The following SV2B variants were observed in gnomAD, a reference collection of about 807,000 sequenced individuals.
SV2B encodes the protein solute carrier family 22 member B2.
SV2B carries 41 observed loss-of-function variants against 73.9 expected under a neutral mutation model. The ratio of observed to expected loss-of-function variants is 0.56; its 90% confidence interval spans 0.43 to 0.72. SV2B has a LOEUF of 0.72. Ranked by LOEUF, SV2B falls within the 30% of genes least tolerant of loss-of-function variation. The pLI, the probability that SV2B is intolerant of heterozygous loss-of-function variation, is 0.00. For synonymous variants in SV2B, 314 were observed against 314.2 expected (o/e 1.00, Z 0.01); for missense variants, 764 against 857.8 (o/e 0.89, Z 1.37).
chr15:91,260,910 AC>A (rs1361129766), intron 6 of SV2B, among the ~76,000 whole-genome samples: 2 of 152,068 alleles, frequency 1.3e-5, no homozygotes, highest in East Asian at 1.9e-4. Context: ...GGGTGAAACC[AC>A]CCCCATGATT....
At chr15:91,172,189 C>T (rs1467333406) in intron 1 of SV2B, among the ~76,000 whole-genome samples, 2 of 152,220 alleles carry the variant, frequency 1.3e-5, no homozygotes, top group Non-Finnish European at 2.9e-5. Context: ...CTGGCCACAG[C>T]CTATCTTTCC....
In SV2B at chr15:91,293,365, T is replaced by C. The variant is rs2049112173; in HGVS notation, c.*813T>C. ...GTGTTTGAGGTCCCAGGAAATGAGGTCTGATCAAATGAAATGCAAGCACAA... is the reference window on the plus strand; with the variant it reads ...GTGTTTGAGGTCCCAGGAAATGAGGCCTGATCAAATGAAATGCAAGCACAA... On this transcript the variant is annotated 3_prime_UTR_variant, in exon 13 of 13. Coordinates refer to ENST00000394232, the MANE Select transcript of SV2B (RefSeq NM_001323032.3). 6.6e-6 allele frequency: 1 copy of C among 152,214 alleles called. No individual in the cohort carries two copies. The highest frequency in any genetic ancestry group is 1.5e-5 in the Non-Finnish European group (1 of 68,040). 9.4% of individuals were successfully genotyped at this position (152,214 alleles called of 1,614,324 possible).
chr15:91,229,020 G>A lies in SV2B; in HGVS notation c.451+2306G>A, dbSNP rs1041469014. ...GTAAGTGTTGAGCAGGGGTTTGACCGAAGGTCTATTTGACTTCAAAGTCTA... is the reference window on the plus strand; with the variant it reads ...GTAAGTGTTGAGCAGGGGTTTGACCAAAGGTCTATTTGACTTCAAAGTCTA... On this transcript the variant is annotated intron_variant, in intron 2 of 12. Transcript: ENST00000394232. This position sits in a 1 kb window ranked among gnomAD's most constrained non-coding sequence, Gnocchi z 4.3. Among the ~76,000 whole-genome samples the A allele has an allele frequency of 2.6e-5, 4 of 152,336 alleles. No homozygotes were observed. The highest frequency in any genetic ancestry group is 1.3e-4 in the Admixed American group (2 of 15,302).
rs770557010 is a variant in SV2B at position 91,129,887 on chromosome 15, C to T, written c.-392+29524C>T. ...AAGAAGAGTACTCATGCGGGGATCTCGGGAGGGTTAAGTGAGATAATGCAT... is the reference window on the plus strand; with the variant it reads ...AAGAAGAGTACTCATGCGGGGATCTTGGGAGGGTTAAGTGAGATAATGCAT... On this transcript the variant is annotated intron_variant, in intron 1 of 12. Transcript: ENST00000394232. This position sits in a 1 kb window ranked among gnomAD's most constrained non-coding sequence, Gnocchi z 5.1. Among the ~76,000 whole-genome samples, 16 of 152,128 alleles carry T rather than the reference C, an allele frequency of 1.1e-4. No individual in the cohort carries two copies. Among genetic ancestry groups the T allele is most frequent in the African/African-American group, 3.6e-4 (15 of 41,420 alleles).
At position 91,198,056 on chromosome 15, in the gene SV2B, A is replaced by G. The variant is rs541275676; in HGVS notation, c.-391-27817A>G. On this transcript the variant is annotated intron_variant, in intron 1 of 12. Coordinates refer to ENST00000394232, the MANE Select transcript of SV2B (RefSeq NM_001323032.3). ...TCTCAAAACAAACAAACAAAAATAC[A>G]CAAAACCTATTTGATGAACACATTA... Among the ~76,000 whole-genome samples the G allele has an allele frequency of 9.2e-4, 140 of 152,314 alleles. 1 individual carries two copies. Among genetic ancestry groups the G allele is most frequent in the Non-Finnish European group, 1.8e-3 (120 of 68,034 alleles).
rs16945516 is a variant in SV2B, at chr15:91,286,095, C to A, written c.1708+1874C>A. Among the ~76,000 whole-genome samples the A allele has an allele frequency of 3.2e-3, 493 of 152,260 alleles. 4 individuals are homozygous for A. Among genetic ancestry groups the A allele is most frequent in the African/African-American group, 0.011 (457 of 41,530 alleles). On this transcript the variant is annotated intron_variant, in intron 11 of 12. Coordinates refer to ENST00000394232, the MANE Select transcript of SV2B (RefSeq NM_001323032.3). ...TGTGAATGTCTCTGTTTTGTTTCTG[C>A]GCTAGAGGCAAGCTTGTTAAGAGCT...
intron 1 of SV2B, among the ~76,000 whole-genome samples, chr15:91,150,539 T>C (rs1437696272): frequency 2.6e-5 from 4 of 152,234 alleles, no homozygotes; most frequent in Non-Finnish European, 5.9e-5. Flanking sequence ...TTAAAATTAA[T>C]ACACACTTGG....
intron 1 of SV2B, among the ~76,000 whole-genome samples, chr15:91,182,587 T>C (rs888521359): frequency 1.3e-5 from 2 of 152,140 alleles, no homozygotes; most frequent in Non-Finnish European, 2.9e-5. Context: ...CCCCACACTT[T>C]ACCAGGAGCC....
chr15:91,118,948 G>C lies in SV2B; in HGVS notation c.-392+18585G>C, dbSNP rs866161542. 6.6e-6 allele frequency among the ~76,000 whole-genome samples: 1 copy of C among 152,174 alleles called. No homozygotes were observed. The highest frequency in any genetic ancestry group is 2.4e-5 in the African/African-American group (1 of 41,448). ...CTGGTGAATGAGCTGTCTCGGCTTG[G>C]AGGCAGGGCCTGTGGGGGTGGGCGT... On this transcript the variant is annotated intron_variant, in intron 1 of 12. Coordinates refer to ENST00000394232, the MANE Select transcript of SV2B (RefSeq NM_001323032.3). This position sits in a 1 kb window ranked among gnomAD's most constrained non-coding sequence, Gnocchi z 4.7.
intron 9 of SV2B, among the ~76,000 whole-genome samples, chr15:91,276,223 C>A (rs576603377): frequency 6.6e-6 from 1 of 151,706 alleles, no homozygotes; most frequent in Non-Finnish European, 1.5e-5. Context: ...AAGATTTTCC[C>A]TTTATATTTG....
At position 91,212,728 on chromosome 15, in the gene SV2B, A is replaced by G. The variant is rs181490878; in HGVS notation, c.-391-13145A>G. Among the ~76,000 whole-genome samples the G allele has an allele frequency of 4.4e-4, 67 of 152,114 alleles. 1 individual carries two copies. The highest frequency in any genetic ancestry group is 1.6e-3 in the African/African-American group (65 of 41,478). On this transcript the variant is annotated intron_variant, in intron 1 of 12. Coordinates refer to ENST00000394232, the MANE Select transcript of SV2B (RefSeq NM_001323032.3). The stretch of plus-strand genomic sequence containing the variant: ...CAGCACTTTGGGAGGCCGAGGTAGG[A>G]GAATCGCTTGAGCCCAGGAGTTTGA...
chr15:91,278,697 A>AAAAAAAAAG (rs1333221378), intron 9 of SV2B, among the ~76,000 whole-genome samples: 1 of 150,148 alleles, frequency 6.7e-6, no homozygotes, highest in African/African-American at 2.5e-5. Flanking sequence ...AAAAAAAAAA[A>AAAAAAAAAG]AAGAAGTTAC....
In SV2B at chr15:91,255,602, C is replaced by A. The variant is rs2047658861; in HGVS notation, c.785-2819C>A. Among the ~76,000 whole-genome samples the A allele has an allele frequency of 2.6e-5, 4 of 152,242 alleles. No homozygotes were observed. In the South Asian group the frequency reaches 8.3e-4, roughly 32 times the overall value. ...CTCATGTAACCAAACACCACCTGTT[C>A]CCCAATAACCTATGGAAATAAAAAA... On this transcript the variant is annotated intron_variant, in intron 4 of 12. Coordinates refer to ENST00000394232, the MANE Select transcript of SV2B (RefSeq NM_001323032.3).
rs926142329 is a variant in SV2B at position 91,199,403 on chromosome 15, A to G, written c.-391-26470A>G. On this transcript the variant is annotated intron_variant, in intron 1 of 12. Transcript: ENST00000394232. ...TCCGGGGACCAGAATCTTGGTGGTG[A>G]TAATGGGGGGACAGGTGGCAAACAA... Among the ~76,000 whole-genome samples the G allele has an allele frequency of 4.6e-5, 7 of 152,166 alleles. 1 individual carries two copies. The East Asian group carries it at 1.2e-3, about 25-fold the overall frequency.
intron 9 of SV2B, among the ~76,000 whole-genome samples, chr15:91,278,486 G>C (rs916756362): frequency 1.3e-5 from 2 of 151,580 alleles, no homozygotes; most frequent in African/African-American, 2.4e-5. Flanking sequence ...GACCATCCTG[G>C]CTAACAAGGT....
chr15:91,251,988 C>T lies in SV2B; in HGVS notation c.621C>T (p.Ile207=). ...GAGCCTTCCTCTTCTGCCGACTCAT[C>T]TCAGGCATCGGGTATGTTCTTAGGG... The part of the protein sequence containing the change: ...GYGAFLFCRL[I]SGIGIGGALP... The change falls in exon 3 of 13, where the codon ATC becomes ATT. Residue 207 remains isoleucine, a synonymous_variant. Transcript: ENST00000394232. 1 of 1,614,086 alleles carries T rather than the reference C, an allele frequency of 6.2e-7. No individual in the cohort carries two copies. The highest frequency in any genetic ancestry group is 8.5e-7 in the Non-Finnish European group (1 of 1,179,974).
rs1026956875 is a variant in SV2B, at chr15:91,259,751, A to G, written c.919-569A>G. 5.3e-5 allele frequency among the ~76,000 whole-genome samples: 8 copies of G among 152,174 alleles called. No individual in the cohort carries two copies. The South Asian group carries it at 1.7e-3, about 31-fold the overall frequency. Reference sequence around the variant, plus strand: ...CTCCAGTCGTGGCCTTCATCGTCACATGGTGTCCTCCCTGATGCCTCTGTG... The same window carrying G: ...CTCCAGTCGTGGCCTTCATCGTCACGTGGTGTCCTCCCTGATGCCTCTGTG... On this transcript the variant is annotated intron_variant, in intron 5 of 12. Transcript: ENST00000394232.
Position 91,248,776 on chromosome 15 carries a change from T to C in SV2B, c.452-3043T>C, listed in dbSNP as rs181886140. Among the ~76,000 whole-genome samples, 34 of 152,344 alleles carry C rather than the reference T, an allele frequency of 2.2e-4. 1 individual carries two copies. The East Asian group carries it at 6.4e-3, about 29-fold the overall frequency. ...ATCTCAGGCCTGCTGGATCAGTATA[T>C]GATTTTAACAAGATCCCCAGGTGAT... On this transcript the variant is annotated intron_variant, in intron 2 of 12. Coordinates refer to ENST00000394232, the MANE Select transcript of SV2B (RefSeq NM_001323032.3).
At chr15:91,266,095 A>G (rs1489530180) in intron 6 of SV2B, among the ~76,000 whole-genome samples, 1 of 152,222 alleles carries the variant, frequency 6.6e-6, no homozygotes, top group African/African-American at 2.4e-5. Flanking sequence ...GTGAGCCGAG[A>G]TCGTGCCACT....
Sources: gnomAD v4.1 joint callset for allele counts (sites outside exome capture counted in the v4.1 genomes callset) on GRCh38, gnomAD v4.1.1 for gene constraint, Gnocchi (gnomAD v3.1) non-coding constraint, MANE v1.5 for transcripts, NCBI Gene and HGNC (gene_info 2026-07-23, HGNC 2026-07-21) for gene names.